EFNA5: variants seen among roughly 807,000 people sequenced by gnomAD.
EFNA5 encodes the protein ephrin-A5.
EFNA5 carries 5 observed loss-of-function variants against 22.9 expected under a neutral mutation model. The observed-to-expected ratio is 0.22, with a 90% CI of 0.11 to 0.46. The LOEUF (loss-of-function observed/expected upper bound fraction) is 0.46. Ranked by LOEUF, EFNA5 falls within the 20% of genes least tolerant of loss-of-function variation. The probability of loss-of-function intolerance (pLI) is 0.99; values close to 1 mark genes in which losing one functional copy is unlikely to be tolerated. For missense variants in EFNA5, 237 were observed against 293.3 expected, an observed-to-expected ratio of 0.81 and a Z score of 1.40; for synonymous variants, 113 against 112.2, an observed-to-expected ratio of 1.01 and a Z score of -0.04.
At chr5:107,565,798 T>C (rs1419617879) in intron 1 of EFNA5, among the ~76,000 whole-genome samples, 1 of 152,220 alleles carries the variant, frequency 6.6e-6, no homozygotes, top group South Asian at 2.1e-4. Context: ...AATCACAAAA[T>C]AGCTGAGTGA....
intron 1 of EFNA5, among the ~76,000 whole-genome samples, chr5:107,657,142 C>G (rs564407705): frequency 1.3e-4 from 19 of 151,978 alleles, no homozygotes; most frequent in African/African-American, 4.1e-4. Flanking sequence ...TAAATAAAAA[C>G]AATTTAATGT....
intron 1 of EFNA5, among the ~76,000 whole-genome samples, chr5:107,649,716 TATA>T (rs1166250177): frequency 6.6e-6 from 1 of 152,194 alleles, no homozygotes; most frequent in African/African-American, 2.4e-5. Flanking sequence ...GGTATTTTTA[TATA>T]ATAATACAGA....
chr5:107,636,832 A>G (rs997922274), intron 1 of EFNA5, among the ~76,000 whole-genome samples: 10 of 152,356 alleles, frequency 6.6e-5, no homozygotes, highest in African/African-American at 2.2e-4. Context: ...AGGTTCTGGC[A>G]GGGCAGTGGC....
At chr5:107,645,518 A>G (rs906475966) in intron 1 of EFNA5, among the ~76,000 whole-genome samples, 1 of 152,216 alleles carries the variant, frequency 6.6e-6, no homozygotes. Flanking sequence ...CAATTTATTC[A>G]CACTATACTG....
chr5:107,528,609 G>A (rs1747746936), intron 1 of EFNA5, among the ~76,000 whole-genome samples: 1 of 152,118 alleles, frequency 6.6e-6, no homozygotes. Context: ...ATTCTTGGTT[G>A]TATTGAGTTT....
At chr5:107,669,981 C>T (rs950493160) in intron 1 of EFNA5, among the ~76,000 whole-genome samples, 1 of 150,902 alleles carries the variant, frequency 6.6e-6, no homozygotes, top group Non-Finnish European at 1.5e-5. Flanking sequence ...TCCCCCAGCC[C>T]GTGCGCTCTC....
chr5:107,490,543 A>C (rs887969734), intron 1 of EFNA5, among the ~76,000 whole-genome samples: 1 of 152,236 alleles, frequency 6.6e-6, no homozygotes, highest in Non-Finnish European at 1.5e-5. Flanking sequence ...TGCAGCATTA[A>C]GATGCAGGCC....
At chr5:107,651,393 G>C (rs1750726614) in intron 1 of EFNA5, among the ~76,000 whole-genome samples, 2 of 152,008 alleles carry the variant, frequency 1.3e-5, no homozygotes, top group Non-Finnish European at 2.9e-5. Flanking sequence ...TACTTCTGTG[G>C]CCTATAAAGC....
chr5:107,544,859 T>G (rs1176822265), intron 1 of EFNA5, among the ~76,000 whole-genome samples: 1 of 152,192 alleles, frequency 6.6e-6, no homozygotes, highest in East Asian at 1.9e-4. Flanking sequence ...TGAAAAAAAT[T>G]AAGTAACTTT....
intron 1 of EFNA5, among the ~76,000 whole-genome samples, chr5:107,519,869 T>C (rs1747559140): frequency 6.6e-6 from 1 of 152,204 alleles, no homozygotes; most frequent in Admixed American, 6.5e-5. Context: ...AAGTTTCCTT[T>C]CTCTTTGAAC....
chr5:107,418,891 A>G (rs1246496810), intron 2 of EFNA5, among the ~76,000 whole-genome samples: 1 of 152,262 alleles, frequency 6.6e-6, no homozygotes. Context: ...AACAGGAGTT[A>G]AACTAGACTC....
At chr5:107,570,978 G>C (rs1290384894) in intron 1 of EFNA5, among the ~76,000 whole-genome samples, 1 of 152,196 alleles carries the variant, frequency 6.6e-6, no homozygotes, top group Non-Finnish European at 1.5e-5. Flanking sequence ...TGAGCTCAGT[G>C]ATTTCACATT....
At chr5:107,555,030 A>G (rs1000209268) in intron 1 of EFNA5, among the ~76,000 whole-genome samples, 3 of 152,050 alleles carry the variant, frequency 2.0e-5, no homozygotes, top group Non-Finnish European at 4.4e-5. Context: ...GCTGTGCCTC[A>G]GCAATTCTCG....
intron 1 of EFNA5, among the ~76,000 whole-genome samples, chr5:107,434,123 C>T (rs1022073005): frequency 3.3e-5 from 5 of 152,168 alleles, no homozygotes; most frequent in African/African-American, 1.2e-4. Flanking sequence ...GCTTTGTCCT[C>T]CTAAGTATTT....
rs577932998 is a variant in EFNA5, at chr5:107,623,861, AT to A, written c.125+46627del. On this transcript the variant is annotated intron_variant, in intron 1 of 4. Coordinates refer to ENST00000333274, the MANE Select transcript of EFNA5 (RefSeq NM_001962.3). The stretch of plus-strand genomic sequence containing the variant: ...GGTAAAGACTTATAGGATTTTAAAA[AT>A]TCATTTCTTTGAACAGGGCTGTATT... 1.0e-3 allele frequency among the ~76,000 whole-genome samples: 159 copies of A among 152,310 alleles called. 2 individuals carry two copies. The highest frequency in any genetic ancestry group is 1.3e-3 in the Non-Finnish European group (90 of 68,016).
Position 107,622,577 on chromosome 5 carries a change from G to C in EFNA5, c.125+47912C>G, listed in dbSNP as rs183017509. Among the ~76,000 whole-genome samples, 346 of 152,190 alleles carry C rather than the reference G, an allele frequency of 2.3e-3. 2 individuals are homozygous for C. The highest frequency in any genetic ancestry group is 7.8e-3 in the African/African-American group (324 of 41,506). On this transcript the variant is annotated intron_variant, in intron 1 of 4. Transcript: ENST00000333274. ...ACCACTTACTGAATATCTCCATTAT[G>C]CTACTATGCTCAACTCCTTGCAAAT...
intron 1 of EFNA5, among the ~76,000 whole-genome samples, chr5:107,660,250 G>A (rs1178058289): frequency 4.8e-5 from 5 of 104,566 alleles, no homozygotes; most frequent in Admixed American, 1.1e-4. Flanking sequence ...GAACCTCTGA[G>A]ATGGCAAAAA....
intron 1 of EFNA5, among the ~76,000 whole-genome samples, chr5:107,657,917 A>G (rs952461578): frequency 6.6e-6 from 1 of 152,144 alleles, no homozygotes; most frequent in Non-Finnish European, 1.5e-5. Flanking sequence ...TCCATTCCTT[A>G]CTTGTTAATA....
intron 1 of EFNA5, among the ~76,000 whole-genome samples, chr5:107,492,435 T>C (rs1746834113): frequency 1.3e-5 from 2 of 152,226 alleles, no homozygotes; most frequent in Admixed American, 6.5e-5. Flanking sequence ...AAAAAATAGA[T>C]AATGTGTTTT....
Sources: allele counts gnomAD v4.1 joint callset (sites outside exome capture counted in the v4.1 genomes callset), GRCh38; gene constraint gnomAD v4.1.1; transcripts MANE v1.5; gene names NCBI Gene and HGNC (gene_info 2026-07-23, HGNC 2026-07-21).